ZNF423: variants seen among roughly 807,000 people sequenced by gnomAD.
ZNF423 encodes zinc finger protein 423, also known as Ebf-associated zinc finger protein.
A neutral mutation model predicts 95.8 loss-of-function variants in ZNF423; 12 were observed. The observed-to-expected ratio is 0.13, with a 90% CI of 0.08 to 0.20. ZNF423 has a LOEUF of 0.20. ZNF423 is among the 10% of genes least tolerant of loss of function. ZNF423 has a pLI of 1.00. For synonymous variants in ZNF423, 749 were observed against 711.9 expected (o/e 1.05, Z -0.83); for missense variants, 1,316 against 1,737.1 (o/e 0.76, Z 4.31).
chr16:49,553,697 A>C (rs1302072457), intron 5 of ZNF423, among the ~76,000 whole-genome samples: 2 of 152,078 alleles, frequency 1.3e-5, no homozygotes, highest in Non-Finnish European at 2.9e-5. Context: ...CCCAGGCTGG[A>C]GTGCAGTGGC....
At chr16:49,511,698 C>A (rs780552691) in intron 7 of ZNF423, among the ~76,000 whole-genome samples, 3 of 152,234 alleles carry the variant, frequency 2.0e-5, no homozygotes, top group Admixed American at 6.5e-5. Context: ...CCACAAACTG[C>A]CACACATGGC....
In ZNF423 at chr16:49,637,043, C is replaced by T. The variant is rs143934881; in HGVS notation, c.2133G>A (p.Ser711=). The part of the protein sequence containing the change: ...VCESCDKQFS[S]VDDLQKHLLD... ...GCAGGTGCTTCTGCAGGTCATCCACCGAGGAAAATTGCTTGTCGCAGCTCT... is the reference window on the plus strand; with the variant it reads ...GCAGGTGCTTCTGCAGGTCATCCACTGAGGAAAATTGCTTGTCGCAGCTCT... The change falls in exon 4 of 8, where the codon TCG becomes TCA. Residue 711 remains serine, a synonymous_variant. Coordinates refer to ENST00000563137, the MANE Select transcript of ZNF423 (RefSeq NM_001379286.1). This position sits in a 1 kb window ranked among gnomAD's most constrained non-coding sequence, Gnocchi z 5.6. 3.8e-3 allele frequency: 6,076 copies of T among 1,613,930 alleles called. 12 individuals are homozygous for T. Among genetic ancestry groups the T allele is most frequent in the Non-Finnish European group, 4.8e-3 (5,696 of 1,180,032 alleles).
intron 1 of ZNF423, among the ~76,000 whole-genome samples, chr16:49,805,697 T>C (rs2034651669): frequency 6.6e-6 from 1 of 152,236 alleles, no homozygotes; most frequent in Non-Finnish European, 1.5e-5. Context: ...CCAGCCCACG[T>C]TGATCATAAA....
intron 2 of ZNF423, chr16:49,780,467 T>C (rs4785349): frequency 0.24 from 36,114 of 152,142 alleles, 4,766 homozygotes; most frequent in African/African-American, 0.36. Context: ...TGGGCATACT[T>C]ACACACAAGC....
intron 1 of ZNF423, among the ~76,000 whole-genome samples, chr16:49,840,241 G>A (rs534156465): frequency 1.7e-4 from 26 of 152,226 alleles, no homozygotes; most frequent in East Asian, 5.8e-4. Flanking sequence ...TAAGGGCTCC[G>A]AGAAGCCGTG....
intron 5 of ZNF423, among the ~76,000 whole-genome samples, chr16:49,543,824 C>G (rs1256043384): frequency 6.6e-6 from 1 of 151,922 alleles, no homozygotes; most frequent in Non-Finnish European, 1.5e-5. Flanking sequence ...TGACCCCGGT[C>G]ACAGCGACCG....
In ZNF423 at chr16:49,636,422, A is replaced by T. The variant is rs1972707812; in HGVS notation, c.2754T>A (p.Asn918Lys). 6.2e-7 allele frequency: 1 copy of T among 1,613,328 alleles called. No individual in the cohort carries two copies. Among genetic ancestry groups the T allele is most frequent in the East Asian group, 2.2e-5 (1 of 44,862 alleles). ...LLQNHRLRDH[N>K]IRPGEDDGSR... ...AGCCATCATCCTCGCCCGGCCGGAT[A>T]TTGTGGTCCCGCAGCCGGTGATTCT... The change falls in exon 4 of 8, where the codon AAT (asparagine) becomes AAA (lysine). Residue 918 changes from asparagine (N) to lysine (K), a missense_variant. Coordinates refer to ENST00000563137, the MANE Select transcript of ZNF423 (RefSeq NM_001379286.1). The surrounding 1 kb of genome is among the most constrained non-coding windows in gnomAD (Gnocchi z 8.6).
At chr16:49,719,927 AC>A (rs2032817123) in intron 3 of ZNF423, among the ~76,000 whole-genome samples, 3 of 152,200 alleles carry the variant, frequency 2.0e-5, no homozygotes, top group Admixed American at 2.0e-4. Flanking sequence ...GCCTCTCAAC[AC>A]CATCTGGGCA....
At chr16:49,683,266 G>A (rs2031438844) in intron 3 of ZNF423, among the ~76,000 whole-genome samples, 2 of 152,186 alleles carry the variant, frequency 1.3e-5, no homozygotes, top group Admixed American at 6.5e-5. Context: ...TCTCCTGCAG[G>A]AGACAGACAC....
chr16:49,625,367 C>A (rs1428817832), intron 5 of ZNF423, among the ~76,000 whole-genome samples: 1 of 152,168 alleles, frequency 6.6e-6, no homozygotes, highest in East Asian at 1.9e-4. Flanking sequence ...AAAAAATTAA[C>A]AAAAAGATGA....
At chr16:49,857,046 T>C (rs1228367921), upstream of ZNF423, among the ~76,000 whole-genome samples, 1 of 150,074 alleles carries the variant, frequency 6.7e-6, no homozygotes, top group Non-Finnish European at 1.5e-5. The surrounding 1 kb of genome is among the most constrained non-coding windows in gnomAD (Gnocchi z 6.2). Context: ...GTCTTCTTTG[T>C]GGTCGCTGGC....
intron 5 of ZNF423, among the ~76,000 whole-genome samples, chr16:49,589,710 G>T (rs1970948150): frequency 6.6e-6 from 1 of 152,106 alleles, no homozygotes; most frequent in Admixed American, 6.5e-5. Flanking sequence ...TATACAGGCT[G>T]CAGCACACAA....
intron 3 of ZNF423, among the ~76,000 whole-genome samples, chr16:49,677,282 A>AAGGGAAGG (rs1567283965): frequency 2.3e-4 from 19 of 81,494 alleles, no homozygotes; most frequent in Non-Finnish European, 4.5e-4. Context: ...AGAAGAGAAG[A>AAGGGAAGG]GAAGAGAAGA....
intron 5 of ZNF423, among the ~76,000 whole-genome samples, chr16:49,571,887 G>A (rs921593554): frequency 2.0e-5 from 3 of 152,114 alleles, no homozygotes; most frequent in African/African-American, 4.8e-5. Context: ...TATTATTCTT[G>A]CTTTCTTTGC....
At chr16:49,794,045 CT>C (rs2034459566) in intron 1 of ZNF423, among the ~76,000 whole-genome samples, 1 of 150,972 alleles carries the variant, frequency 6.6e-6, no homozygotes, top group African/African-American at 2.5e-5. Flanking sequence ...CTCTCTCTCT[CT>C]CGCTCTCTGA....
At chr16:49,759,995 G>A (rs1199295820) in intron 2 of ZNF423, among the ~76,000 whole-genome samples, 2 of 137,888 alleles carry the variant, frequency 1.5e-5, no homozygotes, top group African/African-American at 2.7e-5. Context: ...TTAGTGAATG[G>A]GTGAATGGAT....
At position 49,815,873 on chromosome 16, in the gene ZNF423, A is replaced by ACAAAC. The variant is rs1555488139; in HGVS notation, c.41-26328_41-26327insGTTTG. ...TTACATTCTAATTCCAAACAAACAA[A>ACAAAC]AAAAAAAAATATATATATATATATA... On this transcript the variant is annotated intron_variant, in intron 1 of 7. Coordinates refer to ENST00000563137, the MANE Select transcript of ZNF423 (RefSeq NM_001379286.1). Among the ~76,000 whole-genome samples, 200 of 40,388 alleles carry ACAAAC rather than the reference A, an allele frequency of 5.0e-3. 2 individuals carry two copies. Among genetic ancestry groups the ACAAAC allele is most frequent in the South Asian group, 0.014 (12 of 834 alleles). 26.5% of individuals were successfully genotyped at this position (40,388 alleles called of 152,430 possible).
intron 2 of ZNF423, among the ~76,000 whole-genome samples, chr16:49,734,258 C>T (rs763314928): frequency 4.6e-5 from 7 of 152,240 alleles, no homozygotes; most frequent in Non-Finnish European, 1.0e-4. Context: ...CTGTGTGCTG[C>T]TCTGTCCAGC....
intron 3 of ZNF423, among the ~76,000 whole-genome samples, chr16:49,645,669 T>C (rs892438359): frequency 6.6e-6 from 1 of 152,202 alleles, no homozygotes; most frequent in Non-Finnish European, 1.5e-5. Context: ...CCGTATGATA[T>C]GGTTTGGCTG....
Sources: allele counts gnomAD v4.1 joint callset (sites outside exome capture counted in the v4.1 genomes callset), GRCh38; gene constraint gnomAD v4.1.1; non-coding constraint Gnocchi (gnomAD v3.1); transcripts MANE v1.5; gene names NCBI Gene and HGNC (gene_info 2026-07-23, HGNC 2026-07-21).